RAD51B: variants seen among roughly 807,000 people sequenced by gnomAD.
RAD51B encodes RAD51 paralog B.
A neutral mutation model predicts 42.2 loss-of-function variants in RAD51B; 38 were observed. The ratio of observed to expected loss-of-function variants is 0.90; its 90% CI spans 0.70 to 1.18. The LOEUF (loss-of-function observed/expected upper bound fraction) is 1.18, where lower values mean the gene tolerates loss of function less well. Among genes scored for constraint, RAD51B ranks in the 50% most tolerant of loss-of-function variants. The pLI is 0.00. For missense variants in RAD51B, 373 were observed against 400.7 expected (o/e 0.93, Z 0.59); for synonymous variants, 154 against 145.2 (o/e 1.06, Z -0.43).
intron 9 of RAD51B, among the ~76,000 whole-genome samples, chr14:68,412,262 TCCTGCTGTG>T (rs141045936): frequency 0.01 from 1,579 of 152,360 alleles, 28 homozygotes; most frequent in African/African-American, 0.035. Flanking sequence ...CTCAACTTTA[TCCTGCTGTG>T]TGACCAGATT....
intron 11 of RAD51B, among the ~76,000 whole-genome samples, chr14:68,669,412 C>T (rs1595055871): frequency 6.6e-6 from 1 of 152,210 alleles, no homozygotes; most frequent in Non-Finnish European, 1.5e-5. Flanking sequence ...CAGAATGGCC[C>T]TGGACTGGCC....
At chr14:68,654,438 C>T (rs1892767610) in intron 11 of RAD51B, among the ~76,000 whole-genome samples, 1 of 152,126 alleles carries the variant, frequency 6.6e-6, no homozygotes, top group African/African-American at 2.4e-5. Flanking sequence ...TGGACAGAAC[C>T]CCCCACCCCC....
intron 7 of RAD51B, among the ~76,000 whole-genome samples, chr14:68,200,899 C>T (rs1331921021): frequency 6.6e-6 from 1 of 152,078 alleles, no homozygotes; most frequent in Non-Finnish European, 1.5e-5. Flanking sequence ...CTCGAGCAAT[C>T]CTCCCGCCTT....
intron 7 of RAD51B, among the ~76,000 whole-genome samples, chr14:68,170,501 T>C (rs2078850300): frequency 6.6e-6 from 1 of 152,202 alleles, no homozygotes; most frequent in African/African-American, 2.4e-5. Context: ...CTATTTTCCT[T>C]ATTTAAGAAA....
intron 7 of RAD51B, among the ~76,000 whole-genome samples, chr14:68,127,654 C>T (rs892344937): frequency 2.7e-4 from 30 of 110,486 alleles, no homozygotes; most frequent in African/African-American, 1.6e-3. Context: ...CACACACACA[C>T]ATACACACAG....
intron 8 of RAD51B, among the ~76,000 whole-genome samples, chr14:68,332,175 A>C (rs2082363848): frequency 6.6e-6 from 1 of 152,116 alleles, no homozygotes; most frequent in Non-Finnish European, 1.5e-5. Context: ...AGGATATCAG[A>C]TTCTCTCCCA....
At chr14:68,144,673 A>T (rs1232382666) in intron 7 of RAD51B, among the ~76,000 whole-genome samples, 4 of 151,962 alleles carry the variant, frequency 2.6e-5, no homozygotes, top group African/African-American at 9.7e-5. Flanking sequence ...TATAAAAGGA[A>T]CTCCATATCC....
At chr14:67,937,288 C>T (rs1247883791) in intron 7 of RAD51B, among the ~76,000 whole-genome samples, 2 of 152,120 alleles carry the variant, frequency 1.3e-5, no homozygotes, top group Admixed American at 6.5e-5. Flanking sequence ...TTCTTCCTGT[C>T]TTTGTGATAT....
chr14:68,329,796 A>G (rs1396631374), intron 8 of RAD51B, among the ~76,000 whole-genome samples: 1 of 152,140 alleles, frequency 6.6e-6, no homozygotes, highest in African/African-American at 2.4e-5. Flanking sequence ...CCTGACCAAC[A>G]TGGTGAAACC....
At chr14:68,529,100 G>A (rs945663690) in intron 10 of RAD51B, among the ~76,000 whole-genome samples, 6 of 152,242 alleles carry the variant, frequency 3.9e-5, no homozygotes, top group African/African-American at 2.4e-5. Flanking sequence ...CACAGCTAGA[G>A]GCTCCTGTGG....
intron 7 of RAD51B, among the ~76,000 whole-genome samples, chr14:68,199,913 C>T (rs1267740871): frequency 2.6e-5 from 4 of 152,234 alleles, no homozygotes; most frequent in Non-Finnish European, 5.9e-5. Context: ...AAAACAACTC[C>T]CCAGCAACCC....
chr14:68,184,396 T>G (rs2079114509), intron 7 of RAD51B, among the ~76,000 whole-genome samples: 1 of 151,862 alleles, frequency 6.6e-6, no homozygotes, highest in Non-Finnish European at 1.5e-5. Context: ...CCACCATGCC[T>G]GGCTAATATT....
chr14:67,940,569 A>G (rs1483571506), intron 7 of RAD51B, among the ~76,000 whole-genome samples: 1 of 152,144 alleles, frequency 6.6e-6, no homozygotes, highest in Non-Finnish European at 1.5e-5. Flanking sequence ...TTTGTGTCCC[A>G]TAAGGTTCCA....
chr14:67,964,420 A>G (rs933815293), intron 7 of RAD51B, among the ~76,000 whole-genome samples: 2 of 152,326 alleles, frequency 1.3e-5, no homozygotes, highest in Middle Eastern at 3.4e-3. Flanking sequence ...AGAAGATGCC[A>G]TTATTCCTTC....
At chr14:68,239,060 G>A (rs538753195) in intron 7 of RAD51B, among the ~76,000 whole-genome samples, 21 of 152,252 alleles carry the variant, frequency 1.4e-4, no homozygotes, top group African/African-American at 4.1e-4. Flanking sequence ...CATATAATGC[G>A]CTATACTGGT....
intron 4 of RAD51B, among the ~76,000 whole-genome samples, chr14:67,848,946 G>A (rs1464160946): frequency 4.6e-5 from 7 of 152,328 alleles, no homozygotes; most frequent in Non-Finnish European, 1.0e-4. Flanking sequence ...CTGCTGAGAT[G>A]TCTGGTGCTA....
intron 7 of RAD51B, among the ~76,000 whole-genome samples, chr14:68,072,791 C>T (rs2076774017): frequency 6.6e-6 from 1 of 152,128 alleles, no homozygotes; most frequent in African/African-American, 2.4e-5. Context: ...ATTGTTTACC[C>T]TTAATTCATT....
chr14:67,978,354 T>C (rs1457534332), intron 7 of RAD51B, among the ~76,000 whole-genome samples: 1 of 152,212 alleles, frequency 6.6e-6, no homozygotes. Context: ...TATATTTCTT[T>C]GGGAAAATAA....
At chr14:68,062,897 T>C (rs10135046) in intron 7 of RAD51B, among the ~76,000 whole-genome samples, 9,156 of 151,998 alleles carry the variant, frequency 0.06, 658 homozygotes, top group African/African-American at 0.17. Context: ...AGGGAGACTT[T>C]GTATTGCTGA....
Sources: gnomAD v4.1 joint callset for allele counts (sites outside exome capture counted in the v4.1 genomes callset) on GRCh38, gnomAD v4.1.1 for gene constraint, MANE v1.5 for transcripts, NCBI Gene and HGNC (gene_info 2026-07-23, HGNC 2026-07-21) for gene names.